HMGN3: variants seen among roughly 807,000 people sequenced by gnomAD.
HMGN3 encodes high mobility group nucleosome-binding domain-containing protein 3.
A neutral mutation model predicts 18.8 loss-of-function variants in HMGN3; 6 were observed. That is an observed-to-expected ratio of 0.32 (90% CI 0.18 to 0.63). The LOEUF (loss-of-function observed/expected upper bound fraction) is 0.63, where lower values mean the gene tolerates loss of function less well. HMGN3 is among the 30% of genes least tolerant of loss of function. The probability of loss-of-function intolerance (pLI) is 0.79; values close to 1 mark genes in which losing one functional copy is unlikely to be tolerated. For synonymous variants in HMGN3, 40 were observed against 36.5 expected (o/e 1.10, Z -0.35); for missense variants, 107 against 114.2 (o/e 0.94, Z 0.29).
At chr6:79,218,812 G>A (rs971711406) in intron 1 of HMGN3, among the ~76,000 whole-genome samples, 8 of 152,078 alleles carry the variant, frequency 5.3e-5, no homozygotes, top group Non-Finnish European at 8.8e-5. Flanking sequence ...AAATGTTTTT[G>A]ATTCATACAA....
chr6:79,213,240 T>C (rs1776789491), intron 2 of HMGN3, among the ~76,000 whole-genome samples: 1 of 151,590 alleles, frequency 6.6e-6, no homozygotes, highest in South Asian at 2.1e-4. Flanking sequence ...TGAGATGCTA[T>C]CTCAAAAAAT....
chr6:79,214,472 AT>A (rs1239212528), intron 2 of HMGN3, among the ~76,000 whole-genome samples: 14 of 152,274 alleles, frequency 9.2e-5, no homozygotes, highest in African/African-American at 3.4e-4. Flanking sequence ...AAATGCTGGG[AT>A]TACAGGCGTG....
chr6:79,216,421 C>G (rs373058426), intron 1 of HMGN3, among the ~76,000 whole-genome samples: 1 of 152,036 alleles, frequency 6.6e-6, no homozygotes, highest in South Asian at 2.1e-4. Context: ...TAAAAATGTA[C>G]GCAAAACAAA....
chr6:79,226,750 AC>A (rs1369454186), intron 1 of HMGN3, among the ~76,000 whole-genome samples: 4 of 152,108 alleles, frequency 2.6e-5, no homozygotes, highest in Non-Finnish European at 4.4e-5. Context: ...GAAGTTTAAA[AC>A]CATTTTTCTA....
intron 1 of HMGN3, among the ~76,000 whole-genome samples, chr6:79,222,705 C>A (rs1213875243): frequency 6.6e-6 from 1 of 152,106 alleles, no homozygotes; most frequent in African/African-American, 2.4e-5. Context: ...ATTGAGAGGT[C>A]CCTTCATGGG....
rs139800558 is a variant in HMGN3, at chr6:79,229,407, C to T, written c.15+5139G>A. On this transcript the variant is annotated intron_variant, in intron 1 of 5. Coordinates refer to ENST00000344726, the Ensembl canonical transcript of HMGN3. ...CTGAATAGACATTTCACATATGATA[C>T]ACATTATGCTAGTAAACACGTGAAA... Among the ~76,000 whole-genome samples the T allele has an allele frequency of 3.7e-4, 56 of 152,242 alleles. No homozygotes were observed. The East Asian group carries it at 9.1e-3, about 25-fold the overall frequency.
intron 5 of HMGN3, chr6:79,202,091 GAC>G (rs763990963): frequency 3.2e-6 from 5 of 1,538,900 alleles, no homozygotes; most frequent in Non-Finnish European, 4.4e-6. Flanking sequence ...CCCCTTTACT[GAC>G]AGTGTGCTGG....
At chr6:79,233,176 G>A (rs1213487781) in intron 1 of HMGN3, among the ~76,000 whole-genome samples, 1 of 152,176 alleles carries the variant, frequency 6.6e-6, no homozygotes, top group African/African-American at 2.4e-5. Context: ...ATGTCTTTAA[G>A]TCCCAGCTGA....
At chr6:79,211,586 T>A (rs1348829445) in intron 2 of HMGN3, among the ~76,000 whole-genome samples, 1 of 151,788 alleles carries the variant, frequency 6.6e-6, no homozygotes, top group Non-Finnish European at 1.5e-5. Context: ...ATTGCCAATA[T>A]CCAATTATTT....
intron 1 of HMGN3, among the ~76,000 whole-genome samples, chr6:79,222,878 T>G (rs1361095292): frequency 2.6e-5 from 4 of 152,322 alleles, no homozygotes; most frequent in Non-Finnish European, 5.9e-5. Context: ...ATAAAAGTAG[T>G]AATTAAGAAC....
At chr6:79,227,046 A>AT (rs1247886901) in intron 1 of HMGN3, among the ~76,000 whole-genome samples, 1 of 152,214 alleles carries the variant, frequency 6.6e-6, no homozygotes, top group African/African-American at 2.4e-5. Context: ...GACTAACATC[A>AT]TATTTCAACA....
At position 79,214,953 on chromosome 6, in the gene HMGN3, A is replaced by G; in HGVS notation, c.66+19T>C. ...TTCAATGTAAATAATTAAATATAGG[A>G]TGTCAAAGATATACTTACCTCCTGT... On this transcript the variant is annotated intron_variant, in intron 2 of 5. Transcript: ENST00000344726. The G allele has an allele frequency of 1.5e-6, 2 of 1,293,910 alleles. No individual in the cohort carries two copies. The highest frequency in any genetic ancestry group is 1.1e-6 in the Non-Finnish European group (1 of 906,318). 80.2% of individuals were successfully genotyped at this position (1,293,910 alleles called of 1,614,324 possible).
chr6:79,210,178 T>C (rs1776615401), intron 2 of HMGN3, among the ~76,000 whole-genome samples: 1 of 152,178 alleles, frequency 6.6e-6, no homozygotes, highest in African/African-American at 2.4e-5. Context: ...GTTAACCGTA[T>C]TAAGTATACT....
chr6:79,203,705 A>G (rs1375521011), intron 3 of HMGN3, 75 bp from the exon 4 acceptor site: 2 of 1,122,160 alleles, frequency 1.8e-6, no homozygotes, highest in Non-Finnish European at 2.6e-6. Context: ...ACACAAAAGG[A>G]CTAACAAAGA....
At chr6:79,201,617 A>C in exon 6 of HMGN3, 1 of 1,056,036 alleles carries the variant, frequency 9.5e-7, no homozygotes, top group Non-Finnish European at 1.5e-6. Flanking sequence ...TTTACAAAAT[A>C]CTTGGTAAAA....
Position 79,212,117 on chromosome 6 carries a change from G to C in HMGN3, c.66+2855C>G, listed in dbSNP as rs185000803. Among the ~76,000 whole-genome samples, 31 of 151,054 alleles carry C rather than the reference G, an allele frequency of 2.1e-4. No homozygotes were observed. The East Asian group carries it at 5.6e-3, about 27-fold the overall frequency. On this transcript the variant is annotated intron_variant, in intron 2 of 5. Coordinates refer to ENST00000344726, the Ensembl canonical transcript of HMGN3. ...GGGAAGTAGAAAAGTTTGTACCTCA[G>C]AGCCTTGGCTGGGAATAGACAAGAC... is the stretch of plus-strand genomic sequence containing the variant.
At chr6:79,218,158 C>T (rs1777091169) in intron 1 of HMGN3, among the ~76,000 whole-genome samples, 1 of 152,218 alleles carries the variant, frequency 6.6e-6, no homozygotes. Context: ...TGCTCTCACC[C>T]TGTACCAGCC....
chr6:79,201,564 T>C (rs761383067), exon 6 of HMGN3: 10 of 675,612 alleles, frequency 1.5e-5, no homozygotes, highest in Non-Finnish European at 2.4e-5. Flanking sequence ...TCCATCCTTA[T>C]ATATTTTCGT....
intron 2 of HMGN3, among the ~76,000 whole-genome samples, chr6:79,210,094 G>A (rs1266704194): frequency 6.6e-6 from 1 of 152,056 alleles, no homozygotes; most frequent in African/African-American, 2.4e-5. Context: ...GGTTATCAAG[G>A]GTGCATTCTT....
Sources: gnomAD v4.1 joint callset for allele counts (sites outside exome capture counted in the v4.1 genomes callset) on GRCh38, gnomAD v4.1.1 for gene constraint, MANE v1.5 for transcripts, NCBI Gene and HGNC (gene_info 2026-07-23, HGNC 2026-07-21) for gene names.